The following PRKN variants were observed in gnomAD, a reference collection of about 807,000 sequenced individuals.
The protein encoded by PRKN is E3 ubiquitin-protein ligase parkin.
PRKN carries 56 observed loss-of-function variants against 59.5 expected under a neutral mutation model. That is an observed-to-expected ratio of 0.94 (90% confidence interval 0.76 to 1.18). PRKN has a LOEUF of 1.18. Among genes scored for constraint, PRKN ranks in the 50% most tolerant of loss-of-function variants. The pLI is 0.00. For missense variants in PRKN, 657 were observed against 596.4 expected (o/e 1.10, Z -1.06); for synonymous variants, 250 against 222.1 (o/e 1.13, Z -1.12).
intron 9 of PRKN, among the ~76,000 whole-genome samples, chr6:161,476,465 A>G (rs1210665285): frequency 2.0e-5 from 3 of 152,168 alleles, no homozygotes; most frequent in Non-Finnish European, 4.4e-5. Flanking sequence ...ACTTGGCTCA[A>G]ATTTAGAACT....
chr6:162,511,256 T>C lies in PRKN; in HGVS notation c.8-67783A>G, dbSNP rs547094235. 4.6e-5 allele frequency among the ~76,000 whole-genome samples: 7 copies of C among 152,270 alleles called. No homozygotes were observed. The South Asian group carries it at 1.4e-3, about 32-fold the overall frequency. On this transcript the variant is annotated intron_variant, in intron 1 of 11. Coordinates refer to ENST00000366898, the MANE Select transcript of PRKN (RefSeq NM_004562.3). The stretch of plus-strand genomic sequence containing the variant: ...ACCACTCTTTGGTATTACTTACTAA[T>C]TGTGTTTGTAGCACTTACTGAGATA...
chr6:162,458,843 G>T (rs1405246393), intron 1 of PRKN, among the ~76,000 whole-genome samples: 3 of 152,008 alleles, frequency 2.0e-5, no homozygotes, highest in South Asian at 2.1e-4. Context: ...TTAAGACAGG[G>T]TCTCACTCTG....
chr6:162,021,568 T>A (rs1243058083), intron 5 of PRKN, among the ~76,000 whole-genome samples: 1 of 151,650 alleles, frequency 6.6e-6, no homozygotes, highest in Non-Finnish European at 1.5e-5. Flanking sequence ...CCCCACATGC[T>A]CAGATAAGAA....
At position 162,201,112 on chromosome 6, in the gene PRKN, T is replaced by C; in HGVS notation, c.534+19A>G. ...ATTCATTTTCCTGGCAGTCTCATGCTGACACTGCATTTCCTTACCTGGGTC... is the reference window on the plus strand; with the variant it reads ...ATTCATTTTCCTGGCAGTCTCATGCCGACACTGCATTTCCTTACCTGGGTC... On this transcript the variant is annotated intron_variant, in intron 4 of 11. Transcript: ENST00000366898. 6.2e-7 allele frequency: 1 copy of C among 1,613,890 alleles called. No homozygotes were observed. The highest frequency in any genetic ancestry group is 1.3e-5 in the African/African-American group (1 of 75,050).
intron 3 of PRKN, among the ~76,000 whole-genome samples, chr6:162,216,204 A>T (rs556041302): frequency 4.6e-4 from 70 of 152,048 alleles, no homozygotes; most frequent in Admixed American, 3.5e-3. Flanking sequence ...CTAATTAAAC[A>T]ATCTAATTTC....
intron 1 of PRKN, among the ~76,000 whole-genome samples, chr6:162,607,043 G>A (rs990602467): frequency 6.7e-6 from 1 of 150,018 alleles, no homozygotes; most frequent in African/African-American, 2.4e-5. Flanking sequence ...AACACTGGAA[G>A]AAGACCCAGC....
intron 7 of PRKN, among the ~76,000 whole-genome samples, chr6:161,583,455 C>T (rs1330667091): frequency 6.6e-6 from 1 of 151,728 alleles, no homozygotes; most frequent in African/African-American, 2.4e-5. Context: ...TTATCATTTC[C>T]AGGTTTTTTT....
chr6:162,550,455 G>A (rs544249731), intron 1 of PRKN, among the ~76,000 whole-genome samples: 12 of 152,286 alleles, frequency 7.9e-5, no homozygotes, highest in African/African-American at 1.9e-4. Context: ...GAGTTGTCCC[G>A]TTTGGGGGAT....
chr6:161,857,003 G>A (rs1006666123), intron 6 of PRKN, among the ~76,000 whole-genome samples: 1 of 152,130 alleles, frequency 6.6e-6, no homozygotes, highest in African/African-American at 2.4e-5. Flanking sequence ...GCTGAGGCAG[G>A]TGGATCACCT....
chr6:162,389,941 C>T (rs975151083), intron 2 of PRKN, among the ~76,000 whole-genome samples: 2 of 152,182 alleles, frequency 1.3e-5, no homozygotes, highest in African/African-American at 4.8e-5. Flanking sequence ...CTAATTTTGG[C>T]TAGTTGCATA....
At chr6:161,874,066 ATATATATTATATGTAAAATATAATATAT>A (rs1562353697) in intron 6 of PRKN, among the ~76,000 whole-genome samples, 11,871 of 66,070 alleles carry the variant, frequency 0.18, 3,144 homozygotes, top group Non-Finnish European at 0.22. Flanking sequence ...ATAATATATA[ATATATATTATATGTAAAATATAATATAT>A]AATATATATT....
Position 161,518,888 on chromosome 6 carries a change from A to G in PRKN, c.1083+29966T>C, listed in dbSNP as rs752593951. ...GAGAGCAGCCCTCCACACCAATGTCAGGGAGAGGAAGGCTGAGCACAAGAG... is the reference window on the plus strand; with the variant it reads ...GAGAGCAGCCCTCCACACCAATGTCGGGGAGAGGAAGGCTGAGCACAAGAG... On this transcript the variant is annotated intron_variant, in intron 9 of 11. Transcript: ENST00000366898. This position sits in a 1 kb window ranked among gnomAD's most constrained non-coding sequence, Gnocchi z 5.0. Among the ~76,000 whole-genome samples the G allele has an allele frequency of 7.2e-5, 11 of 152,334 alleles. No homozygotes were observed. The highest frequency in any genetic ancestry group is 2.0e-4 in the Admixed American group (3 of 15,304).
intron 3 of PRKN, among the ~76,000 whole-genome samples, chr6:162,257,523 T>G (rs1018243158): frequency 2.0e-5 from 3 of 152,142 alleles, no homozygotes; most frequent in Non-Finnish European, 4.4e-5. Flanking sequence ...ATATTTTACA[T>G]AAGCTCTGAA....
At chr6:162,044,797 C>T (rs538807687) in intron 5 of PRKN, among the ~76,000 whole-genome samples, 1 of 152,310 alleles carries the variant, frequency 6.6e-6, no homozygotes, top group South Asian at 2.1e-4. Context: ...TGGGCCTCAC[C>T]TCCATGAAGT....
At chr6:161,627,622 G>A (rs1383564001) in intron 7 of PRKN, among the ~76,000 whole-genome samples, 1 of 152,238 alleles carries the variant, frequency 6.6e-6, no homozygotes, top group Non-Finnish European at 1.5e-5. Context: ...CAAAAGACGT[G>A]CTGCTCTTTG....
chr6:162,450,265 T>C (rs6914080), intron 1 of PRKN, among the ~76,000 whole-genome samples: 70,779 of 150,016 alleles, frequency 0.47, 17,898 homozygotes, highest in East Asian at 0.73. Context: ...TAAACGCCCC[T>C]ATGACTGTAA....
At chr6:162,620,679 T>C (rs1285049583) in intron 1 of PRKN, among the ~76,000 whole-genome samples, 1 of 151,930 alleles carries the variant, frequency 6.6e-6, no homozygotes, top group African/African-American at 2.4e-5. Context: ...CTTTTACTCA[T>C]TTTTTTTGGG....
chr6:162,338,877 A>G (rs1391090743), intron 2 of PRKN, among the ~76,000 whole-genome samples: 1 of 143,834 alleles, frequency 7.0e-6, no homozygotes, highest in African/African-American at 2.6e-5. Context: ...CCATCGTCTG[A>G]GATGTGGGGA....
chr6:161,730,274 C>T (rs1787632434), intron 7 of PRKN, among the ~76,000 whole-genome samples: 1 of 147,474 alleles, frequency 6.8e-6, no homozygotes. Flanking sequence ...TGATATGTTG[C>T]ATTCTTTCAG....
Sources: gnomAD v4.1 joint callset for allele counts (sites outside exome capture counted in the v4.1 genomes callset) on GRCh38, gnomAD v4.1.1 for gene constraint, Gnocchi (gnomAD v3.1) non-coding constraint, MANE v1.5 for transcripts, NCBI Gene and HGNC (gene_info 2026-07-23, HGNC 2026-07-21) for gene names.